The following TAX1BP1 variants were observed in gnomAD, a reference collection of about 807,000 sequenced individuals.
TAX1BP1 encodes tax1-binding protein 1.
TAX1BP1 carries 62 observed loss-of-function variants against 97.7 expected under a neutral mutation model. That is an observed-to-expected ratio of 0.63 (90% confidence interval 0.52 to 0.78). The LOEUF (loss-of-function observed/expected upper bound fraction) is 0.78. TAX1BP1 is among the 30% of genes least tolerant of loss of function. The pLI is 0.00. For synonymous variants in TAX1BP1, 340 were observed against 304.2 expected (o/e 1.12, Z -1.23); for missense variants, 867 against 916.1 (o/e 0.95, Z 0.69).
intron 13 of TAX1BP1, among the ~76,000 whole-genome samples, chr7:27,815,537 G>A (rs775861158): frequency 3.9e-5 from 6 of 151,984 alleles, no homozygotes; most frequent in Non-Finnish European, 8.8e-5. Context: ...TGGGTTTGAC[G>A]TGCTATAAGT....
At chr7:27,745,980 A>G (rs1364548659) in intron 1 of TAX1BP1, among the ~76,000 whole-genome samples, 1 of 152,108 alleles carries the variant, frequency 6.6e-6, no homozygotes, top group Non-Finnish European at 1.5e-5. Context: ...TTGTACCTCA[A>G]AAACTTCAGT....
intron 8 of TAX1BP1, among the ~76,000 whole-genome samples, chr7:27,790,889 A>C (rs1290083390): frequency 6.6e-6 from 1 of 152,074 alleles, no homozygotes; most frequent in African/African-American, 2.4e-5. Flanking sequence ...TTGAAAGGTG[A>C]ATGGCATTTG....
intron 13 of TAX1BP1, among the ~76,000 whole-genome samples, chr7:27,800,847 GT>G (rs1790106921): frequency 6.6e-6 from 1 of 152,174 alleles, no homozygotes; most frequent in Admixed American, 6.5e-5. Flanking sequence ...GCTCACGCCG[GT>G]AATCCCAGCA....
intron 13 of TAX1BP1, 145 bp downstream of exon 13, chr7:27,800,235 T>A: frequency 1.3e-6 from 1 of 758,250 alleles, no homozygotes; most frequent in Non-Finnish European, 1.9e-6. Context: ...TATATTTAGT[T>A]ACATAAATAC....
At chr7:27,794,901 TC>T (rs1326849696) in intron 11 of TAX1BP1, among the ~76,000 whole-genome samples, 1 of 152,218 alleles carries the variant, frequency 6.6e-6, no homozygotes, top group Non-Finnish European at 1.5e-5. Flanking sequence ...CTGCTTTGGA[TC>T]AATGGGGGTA....
chr7:27,777,244 A>AT (rs1375610835), intron 5 of TAX1BP1, among the ~76,000 whole-genome samples: 1 of 152,028 alleles, frequency 6.6e-6, no homozygotes. Context: ...GTGTTGGGAT[A>AT]TTTTTTATAT....
intron 15 of TAX1BP1, among the ~76,000 whole-genome samples, chr7:27,823,509 G>A (rs909183467): frequency 1.3e-5 from 2 of 152,110 alleles, no homozygotes; most frequent in African/African-American, 4.8e-5. Context: ...ACACAGTTTG[G>A]GAAATGCTAA....
At chr7:27,797,211 A>T (rs1349623223) in intron 12 of TAX1BP1, among the ~76,000 whole-genome samples, 1 of 151,792 alleles carries the variant, frequency 6.6e-6, no homozygotes, top group Non-Finnish European at 1.5e-5. Context: ...GTTAGCTAGG[A>T]TGGTCTCTAT....
intron 5 of TAX1BP1, 101 bp from the exon 6 acceptor site, chr7:27,785,062 A>G: frequency 1.6e-6 from 2 of 1,216,216 alleles, no homozygotes; most frequent in Non-Finnish European, 2.2e-6. Flanking sequence ...CAAATGTGGG[A>G]TTAAAATTCT....
intron 16 of TAX1BP1, 65 bp downstream of exon 16, chr7:27,827,885 T>C (rs1237351081): frequency 2.8e-6 from 4 of 1,448,410 alleles, no homozygotes; most frequent in Non-Finnish European, 3.8e-6. Flanking sequence ...AAGGTGGTCC[T>C]TGGGAACTCA....
At chr7:27,760,854 G>A (rs371047283) in intron 3 of TAX1BP1, among the ~76,000 whole-genome samples, 16 of 152,254 alleles carry the variant, frequency 1.1e-4, no homozygotes, top group South Asian at 8.3e-4. Context: ...GGAATCCTGC[G>A]TGCTTTAAGA....
chr7:27,774,807 G>A (rs967856380), intron 5 of TAX1BP1, among the ~76,000 whole-genome samples: 12 of 151,902 alleles, frequency 7.9e-5, no homozygotes, highest in African/African-American at 2.4e-5. Context: ...AATATTGTGG[G>A]TATTCTGGTA....
intron 13 of TAX1BP1, among the ~76,000 whole-genome samples, chr7:27,808,272 A>G (rs1790419913): frequency 6.6e-6 from 1 of 152,184 alleles, no homozygotes; most frequent in South Asian, 2.1e-4. Flanking sequence ...AAATACTTAT[A>G]CCTCCAATTG....
rs1375965921 is a variant in TAX1BP1, at chr7:27,827,765, G to C, written c.2113G>C (p.Asp705His). The C allele has an allele frequency of 6.2e-7, 1 of 1,613,842 alleles. No individual in the cohort carries two copies. The highest frequency in any genetic ancestry group is 1.1e-5 in the South Asian group (1 of 91,020). The change falls in exon 16 of 17, where the codon GAT becomes CAT. Residue 705 changes from aspartate to histidine, a missense_variant. By Grantham distance (81) the Asp-to-His change is moderately conservative. This residue lies in a region of TAX1BP1 where 822 missense variants were observed against 851.4 expected (regional missense o/e 0.97). Coordinates refer to ENST00000396319, the MANE Select transcript of TAX1BP1 (RefSeq NM_006024.7). ...AGATGAGAATGTGCCTACTGCTCCT[G>C]ATCCTCCAAGTCAACATTTACGTGG... ...KEDENVPTAPDPPSQHLRGHG... is the reference protein window; with the variant it reads ...KEDENVPTAPHPPSQHLRGHG...
Position 27,827,780 on chromosome 7 carries a change from C to T in TAX1BP1, c.2128C>T (p.His710Tyr), listed in dbSNP as rs1194680210. 2 of 1,613,870 alleles carry T rather than the reference C, an allele frequency of 1.2e-6. No homozygotes were observed. The highest frequency in any genetic ancestry group is 1.7e-5 in the Admixed American group (1 of 59,988). Reference sequence around the variant, plus strand: ...TACTGCTCCTGATCCTCCAAGTCAACATTTACGTGGGCATGGGACAGGCTT... The same window carrying T: ...TACTGCTCCTGATCCTCCAAGTCAATATTTACGTGGGCATGGGACAGGCTT... The part of the protein sequence containing the change: ...VPTAPDPPSQ[H>Y]LRGHGTGFCF... Residue 710 changes from histidine to tyrosine, a missense_variant, in exon 16 of 17, where the codon CAT (histidine) becomes TAT (tyrosine). By Grantham distance (83) the His-to-Tyr change is moderately conservative. Coordinates refer to ENST00000396319, the MANE Select transcript of TAX1BP1 (RefSeq NM_006024.7).
chr7:27,825,554 C>T (rs1268889879), intron 15 of TAX1BP1, among the ~76,000 whole-genome samples: 2 of 151,992 alleles, frequency 1.3e-5, no homozygotes, highest in Non-Finnish European at 2.9e-5. Flanking sequence ...CTCTTGAGCC[C>T]CTCTCCCCTT....
chr7:27,808,649 T>G (rs1442211459), intron 13 of TAX1BP1, among the ~76,000 whole-genome samples: 4 of 152,148 alleles, frequency 2.6e-5, no homozygotes, highest in Non-Finnish European at 4.4e-5. Flanking sequence ...ACTTGTCAAA[T>G]AATTTGTAAA....
chr7:27,814,144 A>G (rs1290521776), intron 13 of TAX1BP1, among the ~76,000 whole-genome samples: 1 of 123,034 alleles, frequency 8.1e-6, no homozygotes, highest in African/African-American at 3.1e-5. Context: ...TGTTTCTTGG[A>G]TTTAACCTTT....
intron 12 of TAX1BP1, among the ~76,000 whole-genome samples, chr7:27,797,469 T>A (rs182095020): frequency 6.6e-6 from 1 of 152,284 alleles, no homozygotes; most frequent in Non-Finnish European, 1.5e-5. Context: ...TTTGTTTTTT[T>A]AAATGTGCTT....
Sources: allele counts gnomAD v4.1 joint callset (sites outside exome capture counted in the v4.1 genomes callset), GRCh38; gene constraint gnomAD v4.1.1; regional missense constraint gnomAD v4.1.1; transcripts MANE v1.5; gene names NCBI Gene and HGNC (gene_info 2026-07-23, HGNC 2026-07-21).